HSPG2: variants seen among roughly 807,000 people sequenced by gnomAD.
HSPG2 encodes the protein basement membrane-specific heparan sulfate proteoglycan core protein.
Under a neutral mutation model 526.6 loss-of-function variants are expected in HSPG2, and 278 were observed. That is an observed-to-expected ratio of 0.53 (90% CI 0.48 to 0.58). The LOEUF is 0.58. Among genes scored for constraint, HSPG2 ranks in the 20% least tolerant of loss-of-function variants. The pLI, the probability that HSPG2 is intolerant of heterozygous loss-of-function variation, is 0.00. For missense variants in HSPG2, 5,354 were observed against 6,099.5 expected (o/e 0.88, Z 4.07); for synonymous variants, 2,465 against 2,555.4 (o/e 0.96, Z 1.07).
Position 21,847,412 on chromosome 1 carries a change from G to C in HSPG2, c.8106C>G (p.Ile2702Met), listed in dbSNP as rs571975585. ...TGACGATGGAGGCCTCCAGGGCATC[G>C]ATGTTGTTGTTGGCCCGGCACACAT... ...GEYVCRANNN[I>M]DALEASIVIS... Residue 2702 changes from isoleucine to methionine, a missense_variant, in exon 62 of 97, where the codon ATC (isoleucine) becomes ATG (methionine). Coordinates refer to ENST00000374695, the MANE Select transcript of HSPG2 (RefSeq NM_005529.7). The surrounding 1 kb of genome is among the most constrained non-coding windows in gnomAD (Gnocchi z 4.1). 2.5e-6 allele frequency: 4 copies of C among 1,613,816 alleles called. No homozygotes were observed. In the African/African-American group the frequency reaches 5.3e-5, roughly 22 times the overall value.
chr1:21,914,486 C>T (rs144229269), intron 1 of HSPG2, among the ~76,000 whole-genome samples: 6 of 152,288 alleles, frequency 3.9e-5, no homozygotes, highest in Non-Finnish European at 8.8e-5. Context: ...CTCTATCCCC[C>T]GGAGGAGAAT....
intron 55 of HSPG2, among the ~76,000 whole-genome samples, 187 bp from the exon 56 acceptor site, chr1:21,850,685 C>T (rs1399355826): frequency 6.6e-6 from 1 of 152,220 alleles, no homozygotes; most frequent in Non-Finnish European, 1.5e-5. Context: ...CCCCAGTGAG[C>T]TGGGTACACA....
At chr1:21,915,159 C>A (rs1006148229) in intron 1 of HSPG2, among the ~76,000 whole-genome samples, 2 of 151,906 alleles carry the variant, frequency 1.3e-5, no homozygotes, top group African/African-American at 4.8e-5. Context: ...GCAAACAGCA[C>A]ACTTGGCGCC....
rs750673768 is a variant in HSPG2 at position 21,831,338 on chromosome 1, G to A, written c.11453-14C>T. ...CCCGGACACAGCCTGGGAGGTGAGT[G>A]GGCAGGATGAGCACAGGGCAGGGTG... On this transcript the variant is annotated splice_polypyrimidine_tract_variant and intron_variant, in intron 83 of 96. Transcript: ENST00000374695. 2.0e-5 allele frequency: 33 copies of A among 1,612,146 alleles called. No individual in the cohort carries two copies. Among genetic ancestry groups the A allele is most frequent in the Non-Finnish European group, 2.7e-5 (32 of 1,178,378 alleles).
intron 37 of HSPG2, among the ~76,000 whole-genome samples, chr1:21,863,060 C>CAAAAACAAAAAAAAAAAAAAAAAAAA (rs1423127350): frequency 3.2e-5 from 1 of 31,234 alleles, no homozygotes; most frequent in African/African-American, 1.5e-4. Context: ...GACTCCATCT[C>CAAAAACAAAAAAAAAAAAAAAAAAAA]AAAAAAAAAA....
rs2152703368 is a variant in HSPG2 at position 21,839,454 on chromosome 1, G to A, written c.9806C>T (p.Ala3269Val). 1 of 1,614,118 alleles carries A rather than the reference G, an allele frequency of 6.2e-7. No homozygotes were observed. Among genetic ancestry groups the A allele is most frequent in the East Asian group, 2.2e-5 (1 of 44,874 alleles). ...EGDTLIIPRV[A>V]QQDSGQYICN... ...GATGTACTGGCCCGAGTCCTGCTGG[G>A]CTACCCGGGGTATGATGAGTGTGTC... is the stretch of plus-strand genomic sequence containing the variant. Residue 3269 changes from alanine (A) to valine (V), a missense_variant, in exon 73 of 97, where the codon GCC (alanine) becomes GTC (valine). Coordinates refer to ENST00000374695, the MANE Select transcript of HSPG2 (RefSeq NM_005529.7). The surrounding 1 kb of genome is among the most constrained non-coding windows in gnomAD (Gnocchi z 4.5).
intron 1 of HSPG2, among the ~76,000 whole-genome samples, chr1:21,929,827 C>A (rs980984220): frequency 4.6e-5 from 7 of 152,096 alleles, no homozygotes; most frequent in Admixed American, 2.6e-4. Flanking sequence ...ATCCTGGTGA[C>A]CCATCTTCAA....
intron 91 of HSPG2, among the ~76,000 whole-genome samples, chr1:21,826,241 T>C (rs2097973761): frequency 6.6e-6 from 1 of 151,346 alleles, no homozygotes; most frequent in Non-Finnish European, 1.5e-5. Flanking sequence ...AGCTAATTCT[T>C]AAATTTCTTG....
chr1:21,875,097 A>G (rs1640947378), intron 25 of HSPG2, 95 bp from the exon 26 acceptor site: 1 of 913,310 alleles, frequency 1.1e-6, no homozygotes. Flanking sequence ...AGTCCTCCCG[A>G]CAGCCCTGTC....
At position 21,861,280 on chromosome 1, in the gene HSPG2, G is replaced by A. The variant is rs562865418; in HGVS notation, c.4955+477C>T. Among the ~76,000 whole-genome samples the A allele has an allele frequency of 3.7e-4, 56 of 152,250 alleles. No individual in the cohort carries two copies. The Middle Eastern group carries it at 0.017, about 46-fold the overall frequency. ...AATGAAGCTGGGTCTGAAGGCTAAGGGGAAGTTAGCCAGGAACGGGTGGTT... is the reference window on the plus strand; with the variant it reads ...AATGAAGCTGGGTCTGAAGGCTAAGAGGAAGTTAGCCAGGAACGGGTGGTT... On this transcript the variant is annotated intron_variant, in intron 39 of 96. Transcript: ENST00000374695.
In HSPG2 at chr1:21,848,959, C is replaced by A; in HGVS notation, c.7519G>T (p.Gly2507Cys). 1 of 1,613,990 alleles carries A rather than the reference C, an allele frequency of 6.2e-7. No homozygotes were observed. The highest frequency in any genetic ancestry group is 1.6e-4 in the Middle Eastern group (1 of 6,062). Residue 2507 changes from glycine to cysteine, a missense_variant, in exon 58 of 97, where the codon GGC becomes TGC. Gly to Cys is a radical substitution (Grantham distance 159). Transcript: ENST00000374695. This position sits in a 1 kb window ranked among gnomAD's most constrained non-coding sequence, Gnocchi z 4.9. ...GAGGCTTCCTGGGTACCTGAGCTGC[C>A]GACCACACGGCACACGTACTCCCCT... ...DSGEYVCRVV[G>C]SSGTQEASVL...
At position 21,829,558 on chromosome 1, in the gene HSPG2, C is replaced by G. The variant is rs1218316429; in HGVS notation, c.11817G>C (p.Leu3939=). ...TPSLSGAGSY[L]ALPALTNTHH... The stretch of plus-strand genomic sequence containing the variant: ...GTGTGTTGGTGAGGGCGGGCAGTGC[C>G]AGGTAGGAGCCAGCACCCGACAGCG... The change falls in exon 87 of 97, where the codon CTG becomes CTC. Residue 3939 remains leucine, a synonymous_variant. Coordinates refer to ENST00000374695, the MANE Select transcript of HSPG2 (RefSeq NM_005529.7). 6.2e-7 allele frequency: 1 copy of G among 1,611,078 alleles called. No homozygotes were observed. The highest frequency in any genetic ancestry group is 1.7e-5 in the Admixed American group (1 of 59,968).
chr1:21,903,028 G>A (rs181151284), intron 1 of HSPG2, among the ~76,000 whole-genome samples: 52 of 152,282 alleles, frequency 3.4e-4, no homozygotes, highest in African/African-American at 8.4e-4. Flanking sequence ...GCGGACTCAC[G>A]GACAAACCAA....
chr1:21,835,278 C>T, intron 76 of HSPG2: 1 of 598,178 alleles, frequency 1.7e-6, no homozygotes, highest in Non-Finnish European at 3.0e-6. Flanking sequence ...TGCGTTCCAC[C>T]ATGCCCGGTT....
chr1:21,915,122 C>A (rs1245545364), intron 1 of HSPG2, among the ~76,000 whole-genome samples: 3 of 152,272 alleles, frequency 2.0e-5, no homozygotes, highest in African/African-American at 7.2e-5. Flanking sequence ...CACGGGCACC[C>A]GGCCAGATCG....
rs140187423 is a variant in HSPG2, at chr1:21,861,708, G to A, written c.4955+49C>T. 3.9e-6 allele frequency: 6 copies of A among 1,531,840 alleles called. No homozygotes were observed. In the African/African-American group the frequency reaches 5.4e-5, roughly 14 times the overall value. The allele number at this position is 1,531,840 out of a possible 1,614,324, so 94.9% of individuals were successfully genotyped here. ...CACCCTTTAAGGCTCTCACTTGGGA[G>A]TCCACCATTTGTCCTCCACCCTCCC... On this transcript the variant is annotated intron_variant, in intron 39 of 96. Coordinates refer to ENST00000374695, the MANE Select transcript of HSPG2 (RefSeq NM_005529.7).
At position 21,831,065 on chromosome 1, in the gene HSPG2, TCA is replaced by T. The variant is rs756201997; in HGVS notation, c.11586_11587del (p.Ser3864GlnfsTer17). ...GCAGACGCACACGTAGCTGCTGCTCTCAGAGTCATGGCACTGACCGCCATTCT... is the reference window on the plus strand; with the variant it reads ...GCAGACGCACACGTAGCTGCTGCTCTGAGTCATGGCACTGACCGCCATTCT... On this transcript the variant is annotated frameshift_variant, in exon 85 of 97. Coordinates refer to ENST00000374695, the MANE Select transcript of HSPG2 (RefSeq NM_005529.7). LOFTEE classifies it high-confidence loss of function. The T allele has an allele frequency of 3.1e-6, 5 of 1,597,360 alleles. No individual in the cohort carries two copies. Among genetic ancestry groups the T allele is most frequent in the Admixed American group, 1.8e-5 (1 of 56,112 alleles).
chr1:21,867,418 T>C (rs1640328353), intron 33 of HSPG2, among the ~76,000 whole-genome samples: 1 of 152,048 alleles, frequency 6.6e-6, no homozygotes, highest in South Asian at 2.1e-4. Flanking sequence ...GACTCCACAG[T>C]CTGAATGACC....
At chr1:21,918,505 C>A (rs1284731743) in intron 1 of HSPG2, among the ~76,000 whole-genome samples, 2 of 151,636 alleles carry the variant, frequency 1.3e-5, no homozygotes, top group African/African-American at 4.8e-5. Flanking sequence ...AATAATAGTA[C>A]CTGCCTTATT....
Sources: allele counts gnomAD v4.1 joint callset (sites outside exome capture counted in the v4.1 genomes callset), GRCh38; gene constraint gnomAD v4.1.1; non-coding constraint Gnocchi (gnomAD v3.1); transcripts MANE v1.5; gene names NCBI Gene and HGNC (gene_info 2026-07-23, HGNC 2026-07-21).